CNTNAP4: variants seen among roughly 807,000 people sequenced by gnomAD.
CNTNAP4 encodes the protein contactin-associated protein-like 4.
CNTNAP4 carries 98 observed loss-of-function variants against 148.4 expected under a neutral mutation model. That is an observed-to-expected ratio of 0.66 (90% CI 0.56 to 0.78). The LOEUF is 0.78. CNTNAP4 is among the 30% of genes least tolerant of loss of function. CNTNAP4 has a pLI of 0.00. For missense variants in CNTNAP4, 1,935 were observed against 1,565.6 expected, an observed-to-expected ratio of 1.24 and a Z score of -3.98; for synonymous variants, 730 against 565.1, an observed-to-expected ratio of 1.29 and a Z score of -4.14.
rs144961839 is a variant in CNTNAP4, at chr16:76,363,390, T to C, written c.390+7879T>C. On this transcript the variant is annotated intron_variant, in intron 3 of 23. Transcript: ENST00000611870. ...TTAGCCAGGCTGACCTCAAACTCCC[T>C]ACCTTAGGCAATCCACCCACCTTGG... 4.8e-3 allele frequency among the ~76,000 whole-genome samples: 731 copies of C among 152,018 alleles called. 3 individuals are homozygous for C. The highest frequency in any genetic ancestry group is 0.016 in the African/African-American group (658 of 41,464).
At position 76,553,463 on chromosome 16, in the gene CNTNAP4, C is replaced by A. The variant is rs1426066605; in HGVS notation, c.3623C>A (p.Thr1208Asn). 2 of 1,612,282 alleles carry A rather than the reference C, an allele frequency of 1.2e-6. No homozygotes were observed. The highest frequency in any genetic ancestry group is 1.7e-6 in the Non-Finnish European group (2 of 1,179,242). Residue 1208 changes from threonine (T) to asparagine (N), a missense_variant, in exon 22 of 24, where the codon ACT becomes AAT. By Grantham distance (65) the Thr-to-Asn change is moderately conservative. Coordinates refer to ENST00000611870, the MANE Select transcript of CNTNAP4 (RefSeq NM_033401.5). ...TESSCMAQPG[T>N]DATSRERTHS... The stretch of plus-strand genomic sequence containing the variant: ...TCCAGCTGTATGGCCCAGCCTGGCA[C>A]TGATGCCACATCAAGGGAAAGGACA...
chr16:76,450,693 T>C (rs1314600749), intron 7 of CNTNAP4, among the ~76,000 whole-genome samples: 1 of 152,204 alleles, frequency 6.6e-6, no homozygotes. Context: ...GTTACAATAT[T>C]GCATCGGCCA....
intron 3 of CNTNAP4, among the ~76,000 whole-genome samples, chr16:76,417,695 T>G (rs772870061): frequency 2.0e-5 from 3 of 151,710 alleles, no homozygotes; most frequent in Non-Finnish European, 4.4e-5. Context: ...TTTAATGATC[T>G]TCCTTTCTCA....
intron 12 of CNTNAP4, among the ~76,000 whole-genome samples, chr16:76,485,571 T>A (rs572468760): frequency 6.6e-6 from 1 of 152,328 alleles, no homozygotes; most frequent in African/African-American, 2.4e-5. Context: ...CTCTATGGGT[T>A]AAACTCACCC....
chr16:76,514,110 A>G (rs1302962999), intron 15 of CNTNAP4, among the ~76,000 whole-genome samples: 1 of 152,128 alleles, frequency 6.6e-6, no homozygotes, highest in Non-Finnish European at 1.5e-5. Context: ...GCTAATTCAG[A>G]ATAGGTTACT....
chr16:76,360,253 C>T (rs998965915), intron 3 of CNTNAP4, among the ~76,000 whole-genome samples: 1 of 152,140 alleles, frequency 6.6e-6, no homozygotes, highest in Admixed American at 6.6e-5. Context: ...GGCAGAAGCA[C>T]TACCTGTCAC....
At chr16:76,482,761 C>A (rs2081882713) in intron 12 of CNTNAP4, among the ~76,000 whole-genome samples, 2 of 152,200 alleles carry the variant, frequency 1.3e-5, no homozygotes, top group African/African-American at 4.8e-5. Context: ...CTGTGCAGTA[C>A]AAATGCCCAG....
chr16:76,455,263 T>A (rs1267828110), intron 8 of CNTNAP4, among the ~76,000 whole-genome samples: 2 of 152,230 alleles, frequency 1.3e-5, no homozygotes, highest in East Asian at 1.9e-4. Flanking sequence ...ATTTGAGATT[T>A]CTGCTATGAT....
Position 76,278,403 on chromosome 16 carries a change from G to A in CNTNAP4, c.85+656G>A, listed in dbSNP as rs543586497. On this transcript the variant is annotated intron_variant, in intron 1 of 23. Coordinates refer to ENST00000611870, the MANE Select transcript of CNTNAP4 (RefSeq NM_033401.5). ...CAGTCAGGTGGTCTTTCAAAAGTAG[G>A]ATTCCTTTGTGGTTGAATGCTTAAC... 3.3e-5 allele frequency among the ~76,000 whole-genome samples: 5 copies of A among 152,260 alleles called. No homozygotes were observed. In the East Asian group the frequency reaches 7.7e-4, roughly 23 times the overall value.
At chr16:76,309,951 C>T (rs1254715336) in intron 1 of CNTNAP4, 1 of 697,816 alleles carries the variant, frequency 1.4e-6, no homozygotes, top group Non-Finnish European at 2.6e-6. Flanking sequence ...TCGGGTATGT[C>T]TTTATCAGCA....
intron 14 of CNTNAP4, among the ~76,000 whole-genome samples, chr16:76,497,695 G>T (rs888457911): frequency 4.7e-5 from 7 of 149,290 alleles, no homozygotes; most frequent in South Asian, 2.2e-4. Flanking sequence ...TCCTGTTGGG[G>T]AGTGGGGGGA....
chr16:76,452,362 T>C, intron 7 of CNTNAP4, 146 bp from the exon 8 acceptor site: 4 of 681,738 alleles, frequency 5.9e-6, no homozygotes, highest in Non-Finnish European at 9.8e-6. Flanking sequence ...CTTTAAGAAA[T>C]ATGGCAGTGG....
chr16:76,372,346 C>A (rs1213961628), intron 3 of CNTNAP4, among the ~76,000 whole-genome samples: 1 of 148,402 alleles, frequency 6.7e-6, no homozygotes, highest in Non-Finnish European at 1.5e-5. Flanking sequence ...GACAGAGTTT[C>A]ACTGTGTTAG....
chr16:76,488,828 AC>A (rs899979260), intron 12 of CNTNAP4, among the ~76,000 whole-genome samples: 4 of 152,214 alleles, frequency 2.6e-5, no homozygotes, highest in African/African-American at 9.6e-5. Context: ...ATCATCTGTT[AC>A]AAACATTGTG....
intron 2 of CNTNAP4, among the ~76,000 whole-genome samples, chr16:76,318,271 A>C (rs1222635374): frequency 6.6e-6 from 1 of 152,242 alleles, no homozygotes; most frequent in Non-Finnish European, 1.5e-5. Context: ...AAGGAACACA[A>C]CATTTTAATC....
In CNTNAP4 at chr16:76,559,180, G is replaced by A. The variant is rs1468722324; in HGVS notation, c.*497G>A. The A allele has an allele frequency of 1.3e-5, 2 of 152,200 alleles. No individual in the cohort carries two copies. The highest frequency in any genetic ancestry group is 2.4e-5 in the African/African-American group (1 of 41,414). The allele number at this position is 152,200 out of a possible 1,614,324, so 9.4% of individuals were successfully genotyped here. A position where few individuals can be genotyped will look rare whatever the true frequency, so the allele number is the denominator to read the frequency against. On this transcript the variant is annotated 3_prime_UTR_variant, in exon 24 of 24. Coordinates refer to ENST00000611870, the MANE Select transcript of CNTNAP4 (RefSeq NM_033401.5). ...CTTCAGTGGCCACAAGCATAATAAAGCCCCTTTGCCTTTCTCTGTATTATA... is the reference window on the plus strand; with the variant it reads ...CTTCAGTGGCCACAAGCATAATAAAACCCCTTTGCCTTTCTCTGTATTATA...
At chr16:76,492,906 A>C (rs1489351110) in intron 13 of CNTNAP4, among the ~76,000 whole-genome samples, 1 of 150,654 alleles carries the variant, frequency 6.6e-6, no homozygotes, top group East Asian at 2.0e-4. Flanking sequence ...TTGACACAGA[A>C]TGTGAAGGAA....
rs187564469 is a variant in CNTNAP4 at position 76,502,951 on chromosome 16, G to A, written c.2365+4257G>A. On this transcript the variant is annotated intron_variant, in intron 15 of 23. Coordinates refer to ENST00000611870, the MANE Select transcript of CNTNAP4 (RefSeq NM_033401.5). Reference sequence around the variant, plus strand: ...AAAGCAGGACAAATAAAACATGACTGTTGGACCTACTAGTACCGGTTATGA... The same window carrying A: ...AAAGCAGGACAAATAAAACATGACTATTGGACCTACTAGTACCGGTTATGA... Among the ~76,000 whole-genome samples, 3 of 152,270 alleles carry A rather than the reference G, an allele frequency of 2.0e-5. No individual in the cohort carries two copies. In the East Asian group the frequency reaches 5.8e-4, roughly 29 times the overall value.
At chr16:76,410,973 A>T (rs1269339338) in intron 3 of CNTNAP4, among the ~76,000 whole-genome samples, 1 of 151,552 alleles carries the variant, frequency 6.6e-6, no homozygotes, top group Non-Finnish European at 1.5e-5. Flanking sequence ...CAGGTAAATA[A>T]GACATATAGT....
Sources: gnomAD v4.1 joint callset for allele counts (sites outside exome capture counted in the v4.1 genomes callset) on GRCh38, gnomAD v4.1.1 for gene constraint, MANE v1.5 for transcripts, NCBI Gene and HGNC (gene_info 2026-07-23, HGNC 2026-07-21) for gene names.